PDE4D: variants seen among roughly 807,000 people sequenced by gnomAD.
The protein encoded by PDE4D is phosphodiesterase 4D.
A neutral mutation model predicts 87.4 loss-of-function variants in PDE4D; 24 were observed. That is an observed-to-expected ratio of 0.27 (90% CI 0.20 to 0.39). PDE4D has a LOEUF of 0.39. Ranked by LOEUF, PDE4D falls within the 10% of genes least tolerant of loss-of-function variation. The probability of loss-of-function intolerance (pLI) is 1.00; values close to 1 mark genes in which losing one functional copy is unlikely to be tolerated. For synonymous variants in PDE4D, 384 were observed against 383.2 expected, an observed-to-expected ratio of 1.00 and a Z score of -0.02; for missense variants, 714 against 1,041.0, an observed-to-expected ratio of 0.69 and a Z score of 4.32.
Position 59,739,718 on chromosome 5 carries a change from G to A in PDE4D, c.455+153450C>T, listed in dbSNP as rs140903174. On this transcript the variant is annotated intron_variant, in intron 1 of 14. Transcript: ENST00000340635. The stretch of plus-strand genomic sequence containing the variant: ...CAGAACACGATGTCACCTTTAAAAT[G>A]TTCTTTAACTCTATACATCATATTT... Among the ~76,000 whole-genome samples, 34 of 152,256 alleles carry A rather than the reference G, an allele frequency of 2.2e-4. 1 individual carries two copies. The East Asian group carries it at 6.4e-3, about 29-fold the overall frequency.
chr5:59,860,893 C>G (rs983721091), intron 1 of PDE4D, among the ~76,000 whole-genome samples: 1 of 151,326 alleles, frequency 6.6e-6, no homozygotes, highest in Non-Finnish European at 1.5e-5. Flanking sequence ...GAGTCTCGCT[C>G]TGTTGCCCAG....
intron 1 of PDE4D, among the ~76,000 whole-genome samples, chr5:59,470,790 T>C (rs1430457217): frequency 6.6e-6 from 1 of 152,186 alleles, no homozygotes; most frequent in East Asian, 1.9e-4. Context: ...AAAATGTACT[T>C]CAGAAAAGTT....
chr5:59,412,938 T>C (rs1401902747), intron 1 of PDE4D, among the ~76,000 whole-genome samples: 1 of 152,240 alleles, frequency 6.6e-6, no homozygotes, highest in African/African-American at 2.4e-5. Flanking sequence ...TTGGCATTGC[T>C]GGTACTATAT....
At chr5:59,638,196 TTAAGA>T (rs1180736873) in intron 1 of PDE4D, among the ~76,000 whole-genome samples, 5 of 152,116 alleles carry the variant, frequency 3.3e-5, no homozygotes, top group African/African-American at 1.2e-4. Context: ...CTGGGAATAA[TTAAGA>T]TATTTACTGA....
chr5:59,177,589 G>A (rs2153476467), intron 5 of PDE4D, among the ~76,000 whole-genome samples: 1 of 152,242 alleles, frequency 6.6e-6, no homozygotes, highest in African/African-American at 2.4e-5. Context: ...CCTGCCCAGG[G>A]CCACAAAGCT....
intron 6 of PDE4D, among the ~76,000 whole-genome samples, chr5:59,026,271 A>G (rs566913122): frequency 6.6e-6 from 1 of 152,230 alleles, no homozygotes; most frequent in Non-Finnish European, 1.5e-5. Flanking sequence ...AATTTCTGAG[A>G]CATGAGTATC....
intron 1 of PDE4D, among the ~76,000 whole-genome samples, chr5:59,733,791 C>T (rs1757713764): frequency 6.6e-6 from 1 of 151,882 alleles, no homozygotes. Flanking sequence ...AATTATTTAA[C>T]CTTTGTGGAT....
chr5:59,424,068 G>A (rs546736577), intron 1 of PDE4D, among the ~76,000 whole-genome samples: 18 of 152,214 alleles, frequency 1.2e-4, no homozygotes, highest in African/African-American at 2.9e-4. Flanking sequence ...GTGGTAGAGT[G>A]GTTAGGCTGA....
chr5:60,063,205 A>T (rs1480452614), intron 2 of PDE4D, among the ~76,000 whole-genome samples: 2 of 152,068 alleles, frequency 1.3e-5, no homozygotes, highest in Non-Finnish European at 2.9e-5. Context: ...AGAATTTGGT[A>T]ATTGGGGAGA....
At chr5:59,353,994 A>G (rs1780943653) in intron 1 of PDE4D, among the ~76,000 whole-genome samples, 1 of 152,158 alleles carries the variant, frequency 6.6e-6, no homozygotes, top group East Asian at 1.9e-4. Context: ...TGAATTTCAT[A>G]TCTTGTACAC....
At chr5:59,791,676 G>A (rs1054873673) in intron 1 of PDE4D, among the ~76,000 whole-genome samples, 1 of 152,122 alleles carries the variant, frequency 6.6e-6, no homozygotes, top group Non-Finnish European at 1.5e-5. Flanking sequence ...CCCTGTAAGG[G>A]TTAAAAATAA....
chr5:58,993,598 C>T, intron 6 of PDE4D, 133 bp from the exon 7 acceptor site: 1 of 551,188 alleles, frequency 1.8e-6, no homozygotes, highest in Non-Finnish European at 3.2e-6. Flanking sequence ...ACAGTGCCTT[C>T]CAGCAGAACT....
At position 59,694,675 on chromosome 5, in the gene PDE4D, G is replaced by A. The variant is rs547893865; in HGVS notation, c.455+198493C>T. Among the ~76,000 whole-genome samples the A allele has an allele frequency of 1.2e-3, 178 of 152,204 alleles. 1 individual carries two copies. Among genetic ancestry groups the A allele is most frequent in the Middle Eastern group, 3.4e-3 (1 of 294 alleles). On this transcript the variant is annotated intron_variant, in intron 1 of 14. Transcript: ENST00000340635. ...TCTTCTTGACCACATTCAGAGTCCC[G>A]CATAGAGATTTCTGGAAGAGCGTGG...
At chr5:59,406,881 A>G (rs1418083088) in intron 1 of PDE4D, among the ~76,000 whole-genome samples, 4 of 152,064 alleles carry the variant, frequency 2.6e-5, no homozygotes, top group South Asian at 2.1e-4. Flanking sequence ...AACTCTTTTT[A>G]TATCAACCTA....
At chr5:60,190,271 T>C (rs1785098379) in intron 1 of PDE4D, among the ~76,000 whole-genome samples, 1 of 152,222 alleles carries the variant, frequency 6.6e-6, no homozygotes. Context: ...CCTTGGGCTC[T>C]TAAATGTCCA....
chr5:59,147,434 A>G (rs192301898), intron 5 of PDE4D, among the ~76,000 whole-genome samples: 2 of 152,328 alleles, frequency 1.3e-5, no homozygotes, highest in African/African-American at 4.8e-5. Flanking sequence ...TAAACCCTCA[A>G]ATTATTCCTA....
At chr5:59,311,263 A>G (rs1420211455) in intron 1 of PDE4D, among the ~76,000 whole-genome samples, 4 of 152,038 alleles carry the variant, frequency 2.6e-5, no homozygotes, top group Non-Finnish European at 5.9e-5. Flanking sequence ...GTGGTGGCTC[A>G]TGCTTATAAT....
chr5:59,122,016 C>G (rs976221259), intron 5 of PDE4D, among the ~76,000 whole-genome samples: 1 of 151,826 alleles, frequency 6.6e-6, no homozygotes, highest in African/African-American at 2.4e-5. Context: ...GTGGCACTCG[C>G]CTGTAGTCCC....
At chr5:60,398,497 G>T (rs965268547) in intron 1 of PDE4D, among the ~76,000 whole-genome samples, 4 of 152,128 alleles carry the variant, frequency 2.6e-5, no homozygotes, top group Non-Finnish European at 4.4e-5. Context: ...ACTAATCCTT[G>T]TCTGAGTTCT....
Sources: allele counts gnomAD v4.1 joint callset (sites outside exome capture counted in the v4.1 genomes callset), GRCh38; gene constraint gnomAD v4.1.1; transcripts MANE v1.5; gene names NCBI Gene and HGNC (gene_info 2026-07-23, HGNC 2026-07-21).